The following ARHGAP42 variants were observed in gnomAD, a reference collection of about 807,000 sequenced individuals.
ARHGAP42 encodes the protein rho GTPase-activating protein 42.
A neutral mutation model predicts 125.0 loss-of-function variants in ARHGAP42; 63 were observed. The ratio of observed to expected loss-of-function variants is 0.50; its 90% confidence interval spans 0.41 to 0.62. The LOEUF is 0.62. Ranked by LOEUF, ARHGAP42 falls within the 20% of genes least tolerant of loss-of-function variation. The pLI is 0.00. For synonymous variants in ARHGAP42, 339 were observed against 351.0 expected (o/e 0.97, Z 0.38); for missense variants, 766 against 1,024.2 (o/e 0.75, Z 3.44).
intron 1 of ARHGAP42, among the ~76,000 whole-genome samples, chr11:100,708,933 T>G (rs1223431953): frequency 6.6e-6 from 1 of 152,210 alleles, no homozygotes; most frequent in Admixed American, 6.5e-5. Flanking sequence ...GTTATAACAA[T>G]GTACTGTAAT....
chr11:100,965,851 T>A, intron 17 of ARHGAP42, 75 bp downstream of exon 17: 1 of 1,279,180 alleles, frequency 7.8e-7, no homozygotes. Context: ...TTAAAGTGTG[T>A]GATGATGTTA....
chr11:100,733,187 T>C (rs550007699), intron 1 of ARHGAP42, among the ~76,000 whole-genome samples: 88 of 152,336 alleles, frequency 5.8e-4, no homozygotes, highest in South Asian at 1.9e-3. Context: ...GGTTGACTCA[T>C]GACAAGTTAA....
intron 5 of ARHGAP42, among the ~76,000 whole-genome samples, chr11:100,916,039 A>G (rs1225149653): frequency 6.6e-6 from 1 of 152,184 alleles, no homozygotes; most frequent in Non-Finnish European, 1.5e-5. Flanking sequence ...TCCTACCTGC[A>G]CAGCTGACTC....
At chr11:100,843,674 A>G (rs1864992398) in intron 3 of ARHGAP42, among the ~76,000 whole-genome samples, 2 of 152,158 alleles carry the variant, frequency 1.3e-5, no homozygotes, top group Admixed American at 1.3e-4. Flanking sequence ...CAAGCTGAGC[A>G]TCAAATCAAG....
At chr11:100,966,798 T>A (rs370365767) in intron 17 of ARHGAP42, among the ~76,000 whole-genome samples, 10 of 152,094 alleles carry the variant, frequency 6.6e-5, no homozygotes, top group African/African-American at 2.2e-4. Context: ...CCGAAGTGAG[T>A]TTGCTATGGT....
At chr11:100,743,536 A>G (rs1862233148) in intron 1 of ARHGAP42, among the ~76,000 whole-genome samples, 1 of 152,162 alleles carries the variant, frequency 6.6e-6, no homozygotes, top group Admixed American at 6.5e-5. Context: ...CCCAATGACT[A>G]TATGCCTTGG....
chr11:100,715,031 G>A (rs543369546), intron 1 of ARHGAP42, among the ~76,000 whole-genome samples: 14 of 122,758 alleles, frequency 1.1e-4, no homozygotes, highest in African/African-American at 4.7e-4. Context: ...GCTGGGCGAT[G>A]CAGTGAAACC....
chr11:100,767,319 A>G lies in ARHGAP42; in HGVS notation c.155-3024A>G, dbSNP rs548346480. On this transcript the variant is annotated intron_variant, in intron 1 of 23. Coordinates refer to ENST00000298815, the MANE Select transcript of ARHGAP42 (RefSeq NM_152432.4). Reference sequence around the variant, plus strand: ...CGGGATACTGAGGTACAGAGAGGCTATGAAACTTACCCACAGTCATGACAC... The same window carrying G: ...CGGGATACTGAGGTACAGAGAGGCTGTGAAACTTACCCACAGTCATGACAC... Among the ~76,000 whole-genome samples the G allele has an allele frequency of 3.9e-5, 6 of 152,298 alleles. No homozygotes were observed. The South Asian group carries it at 8.3e-4, about 21-fold the overall frequency.
At chr11:100,923,243 C>T (rs971747794) in intron 6 of ARHGAP42, among the ~76,000 whole-genome samples, 2 of 152,138 alleles carry the variant, frequency 1.3e-5, no homozygotes, top group Admixed American at 6.5e-5. Flanking sequence ...TCCCTAGGGC[C>T]TGCACCTTGG....
intron 4 of ARHGAP42, among the ~76,000 whole-genome samples, chr11:100,875,210 GATTTTTTATTTATTTT>G (rs1465768144): frequency 2.0e-5 from 3 of 148,636 alleles, no homozygotes; most frequent in Non-Finnish European, 3.0e-5. Context: ...GTTACACTTT[GATTTTTTATTTATTTT>G]ATTTTTTATT....
At chr11:100,905,521 C>T (rs569606969) in intron 4 of ARHGAP42, among the ~76,000 whole-genome samples, 5 of 152,242 alleles carry the variant, frequency 3.3e-5, no homozygotes, top group East Asian at 1.9e-4. Context: ...AAAAGATCAA[C>T]GCTCATTGTC....
At chr11:100,958,355 T>C (rs1030756936) in intron 12 of ARHGAP42, among the ~76,000 whole-genome samples, 2 of 152,108 alleles carry the variant, frequency 1.3e-5, no homozygotes, top group African/African-American at 4.8e-5. Context: ...CATTCATTTT[T>C]GTGTGTTGAG....
At chr11:100,818,018 A>T (rs1289746310) in intron 3 of ARHGAP42, among the ~76,000 whole-genome samples, 1 of 152,164 alleles carries the variant, frequency 6.6e-6, no homozygotes, top group Admixed American at 6.6e-5. Flanking sequence ...GTAAATTGCA[A>T]ACCATTCATA....
At chr11:100,756,548 G>A (rs1396021208) in intron 1 of ARHGAP42, among the ~76,000 whole-genome samples, 1 of 152,156 alleles carries the variant, frequency 6.6e-6, no homozygotes, top group East Asian at 1.9e-4. Flanking sequence ...AGTTGAAAAC[G>A]GCATATACAT....
chr11:100,779,361 C>T (rs1351966669), intron 2 of ARHGAP42, among the ~76,000 whole-genome samples: 1 of 147,692 alleles, frequency 6.8e-6, no homozygotes, highest in Non-Finnish European at 1.5e-5. Context: ...AGGAGAATTG[C>T]TTGAACCTGG....
At chr11:100,776,650 G>C (rs1309388003) in intron 2 of ARHGAP42, among the ~76,000 whole-genome samples, 1 of 152,088 alleles carries the variant, frequency 6.6e-6, no homozygotes, top group Admixed American at 6.5e-5. Flanking sequence ...TTTAAATGCA[G>C]ATATGCAGAC....
chr11:100,778,807 A>T (rs1436533150), intron 2 of ARHGAP42, among the ~76,000 whole-genome samples: 1 of 152,170 alleles, frequency 6.6e-6, no homozygotes, highest in African/African-American at 2.4e-5. Flanking sequence ...CAACCTGAAA[A>T]CTTGTCATGT....
At chr11:100,830,427 T>G (rs995554129) in intron 3 of ARHGAP42, among the ~76,000 whole-genome samples, 1 of 152,200 alleles carries the variant, frequency 6.6e-6, no homozygotes, top group African/African-American at 2.4e-5. Flanking sequence ...TTGTTCTTAG[T>G]GAGTTCTGCT....
At chr11:100,889,991 G>A (rs1184024231) in intron 4 of ARHGAP42, among the ~76,000 whole-genome samples, 1 of 152,162 alleles carries the variant, frequency 6.6e-6, no homozygotes, top group Admixed American at 6.5e-5. Flanking sequence ...GGCAGGGTTG[G>A]TGTTCTCTGT....
Sources: gnomAD v4.1 joint callset for allele counts (sites outside exome capture counted in the v4.1 genomes callset) on GRCh38, gnomAD v4.1.1 for gene constraint, MANE v1.5 for transcripts, NCBI Gene and HGNC (gene_info 2026-07-23, HGNC 2026-07-21) for gene names.